The following FILIP1 variants were observed in gnomAD, a reference collection of about 807,000 sequenced individuals.
FILIP1 encodes the protein filamin A interacting protein 1.
Under a neutral mutation model 102.1 loss-of-function variants are expected in FILIP1, and 61 were observed. That is an observed-to-expected ratio of 0.60 (90% CI 0.49 to 0.74). The LOEUF is 0.74. Ranked by LOEUF, FILIP1 falls within the 30% of genes least tolerant of loss-of-function variation. The pLI is 0.00. For synonymous variants in FILIP1, 491 were observed against 526.9 expected, an observed-to-expected ratio of 0.93 and a Z score of 0.93; for missense variants, 1,314 against 1,441.2, an observed-to-expected ratio of 0.91 and a Z score of 1.43.
At chr6:75,490,434 A>G (rs1190684473) in intron 1 of FILIP1, among the ~76,000 whole-genome samples, 1 of 152,152 alleles carries the variant, frequency 6.6e-6, no homozygotes, top group African/African-American at 2.4e-5. Context: ...TTTTCAAAAT[A>G]TCAAGAGAAA....
At chr6:75,445,183 T>C (rs1251157142) in intron 1 of FILIP1, among the ~76,000 whole-genome samples, 2 of 151,722 alleles carry the variant, frequency 1.3e-5, no homozygotes, top group Non-Finnish European at 2.9e-5. Context: ...TAGAAAAATA[T>C]TTTCAACACA....
chr6:75,452,804 T>C (rs898217589), intron 1 of FILIP1, among the ~76,000 whole-genome samples: 1 of 152,222 alleles, frequency 6.6e-6, no homozygotes, highest in African/African-American at 2.4e-5. Flanking sequence ...TTTATTTTCT[T>C]TATACTTATT....
intron 3 of FILIP1, among the ~76,000 whole-genome samples, chr6:75,360,242 G>C (rs1025514286): frequency 3.3e-5 from 5 of 152,128 alleles, no homozygotes; most frequent in African/African-American, 1.2e-4. Flanking sequence ...TCTTTATACT[G>C]AGTCCTAAGG....
chr6:75,434,586 G>A (rs574651782), intron 1 of FILIP1, among the ~76,000 whole-genome samples: 1 of 152,250 alleles, frequency 6.6e-6, no homozygotes, highest in East Asian at 1.9e-4. Flanking sequence ...GGAGATTTGG[G>A]GCTGAGACGA....
chr6:75,352,424 G>A (rs1231303934), intron 4 of FILIP1, among the ~76,000 whole-genome samples: 2 of 151,834 alleles, frequency 1.3e-5, no homozygotes, highest in South Asian at 2.1e-4. Context: ...AAAGATACTG[G>A]GAAAAAAAAC....
intron 4 of FILIP1, among the ~76,000 whole-genome samples, chr6:75,339,686 A>G (rs1380767589): frequency 6.6e-6 from 1 of 152,182 alleles, no homozygotes; most frequent in Non-Finnish European, 1.5e-5. Context: ...AGTGGCTCAC[A>G]CCTGTAATCC....
rs561276336 is a variant in FILIP1 at position 75,343,209 on chromosome 6, A to G, written c.629+10330T>C. Among the ~76,000 whole-genome samples, 28 of 152,348 alleles carry G rather than the reference A, an allele frequency of 1.8e-4. No individual in the cohort carries two copies. The South Asian group carries it at 5.8e-3, about 32-fold the overall frequency. On this transcript the variant is annotated intron_variant, in intron 4 of 5. Coordinates refer to ENST00000237172, the MANE Select transcript of FILIP1 (RefSeq NM_015687.5). ...AGCCAGCCATCTACAAGGCAACAGA[A>G]GAGGTCTCACCAGAACCCAACAATT...
intron 1 of FILIP1, among the ~76,000 whole-genome samples, chr6:75,434,638 G>A (rs1020087848): frequency 1.3e-5 from 2 of 152,296 alleles, no homozygotes; most frequent in South Asian, 4.1e-4. Context: ...TGCAAACAGG[G>A]ACAATCTGAC....
At position 75,367,157 on chromosome 6, in the gene FILIP1, A is replaced by G. The variant is rs145740348; in HGVS notation, c.277-4240T>C. Among the ~76,000 whole-genome samples, 3 of 152,294 alleles carry G rather than the reference A, an allele frequency of 2.0e-5. No individual in the cohort carries two copies. The East Asian group carries it at 5.8e-4, about 29-fold the overall frequency. On this transcript the variant is annotated intron_variant, in intron 2 of 5. Coordinates refer to ENST00000237172, the MANE Select transcript of FILIP1 (RefSeq NM_015687.5). ...ACCTATTCCTTTCCTCCCCCGAAATACACTTTTGCTTGAACTGTATTAATT... is the reference window on the plus strand; with the variant it reads ...ACCTATTCCTTTCCTCCCCCGAAATGCACTTTTGCTTGAACTGTATTAATT...
intron 6 of FILIP1, among the ~76,000 whole-genome samples, chr6:75,296,340 T>TG (rs1491169979): frequency 1.9e-4 from 21 of 112,594 alleles, no homozygotes; most frequent in East Asian, 6.6e-4. Flanking sequence ...CTTCAATTTC[T>TG]TTGTGTGTGT....
At chr6:75,387,640 A>G (rs1776143823) in intron 2 of FILIP1, among the ~76,000 whole-genome samples, 1 of 152,224 alleles carries the variant, frequency 6.6e-6, no homozygotes, top group African/African-American at 2.4e-5. Flanking sequence ...TCTAATGACC[A>G]GTGATGATGA....
chr6:75,442,957 G>A (rs1425356165), intron 1 of FILIP1, among the ~76,000 whole-genome samples: 1 of 152,186 alleles, frequency 6.6e-6, no homozygotes, highest in Non-Finnish European at 1.5e-5. Context: ...AACAAAGAAG[G>A]AAGAAAATGT....
At chr6:75,354,358 G>A (rs911476245) in intron 3 of FILIP1, among the ~76,000 whole-genome samples, 1 of 152,054 alleles carries the variant, frequency 6.6e-6, no homozygotes, top group African/African-American at 2.4e-5. Flanking sequence ...AGATCACGAG[G>A]TCAGGAGTTC....
At chr6:75,436,367 G>A (rs9343288) in intron 1 of FILIP1, among the ~76,000 whole-genome samples, 102,055 of 146,890 alleles carry the variant, frequency 0.69, 35,336 homozygotes, top group African/African-American at 0.82. Flanking sequence ...CCTGTCTCAG[G>A]AAAAAAAAAA....
At chr6:75,466,651 T>C (rs11755281) in intron 1 of FILIP1, among the ~76,000 whole-genome samples, 32,497 of 152,006 alleles carry the variant, frequency 0.21, 4,070 homozygotes, top group African/African-American at 0.35. Flanking sequence ...GGTAAAACTA[T>C]TGGTATGTAG....
chr6:75,426,929 A>C (rs1205991019), intron 1 of FILIP1, among the ~76,000 whole-genome samples: 1 of 152,128 alleles, frequency 6.6e-6, no homozygotes, highest in Non-Finnish European at 1.5e-5. Flanking sequence ...CAAATTATGT[A>C]ACCAGTCCCG....
Position 75,380,359 on chromosome 6 carries a change from T to C in FILIP1, c.277-17442A>G, listed in dbSNP as rs963247976. Among the ~76,000 whole-genome samples the C allele has an allele frequency of 7.1e-5, 10 of 140,770 alleles. No individual in the cohort carries two copies. The Admixed American group carries it at 7.2e-4, about 10-fold the overall frequency. The allele number at this position is 140,770 out of a possible 152,430, so 92.4% of individuals were successfully genotyped here. A position where few individuals can be genotyped will look rare whatever the true frequency, so the allele number is the denominator to read the frequency against. The stretch of plus-strand genomic sequence containing the variant: ...ATAAATAGACAGTTCACTAAAGAGA[T>C]ATAAAATGTTCATTAAGAAACAGTT... On this transcript the variant is annotated intron_variant, in intron 2 of 5. Transcript: ENST00000237172.
intron 2 of FILIP1, among the ~76,000 whole-genome samples, chr6:75,408,704 C>A (rs570883052): frequency 1.3e-5 from 2 of 152,268 alleles, no homozygotes; most frequent in African/African-American, 4.8e-5. Flanking sequence ...GAACCTCCAT[C>A]TCCTCCTTTT....
chr6:75,336,676 G>A (rs565232377), intron 4 of FILIP1, among the ~76,000 whole-genome samples: 2 of 152,184 alleles, frequency 1.3e-5, no homozygotes, highest in Admixed American at 6.5e-5. Flanking sequence ...TAATAGCAAG[G>A]GGAAATGTTT....
Sources: allele counts gnomAD v4.1 joint callset (sites outside exome capture counted in the v4.1 genomes callset), GRCh38; gene constraint gnomAD v4.1.1; transcripts MANE v1.5; gene names NCBI Gene and HGNC (gene_info 2026-07-23, HGNC 2026-07-21).